The following GAB2 variants were observed in gnomAD, a reference collection of about 807,000 sequenced individuals.
GAB2 encodes the protein GRB2 associated binding protein 2.
In GAB2, 26 loss-of-function variants were observed where a neutral mutation model predicts 65.5. That is an observed-to-expected ratio of 0.40 (90% confidence interval 0.29 to 0.55). GAB2 has a LOEUF of 0.55. Ranked by LOEUF, GAB2 falls within the 20% of genes least tolerant of loss-of-function variation. The pLI is 0.53. For synonymous variants in GAB2, 321 were observed against 329.6 expected (o/e 0.97, Z 0.28); for missense variants, 884 against 875.8 (o/e 1.01, Z -0.12).
At chr11:78,257,110 C>T (rs903713389) in intron 2 of GAB2, among the ~76,000 whole-genome samples, 2 of 152,036 alleles carry the variant, frequency 1.3e-5, no homozygotes, top group Non-Finnish European at 2.9e-5. Context: ...CATACAAACA[C>T]TCCTCCCACC....
chr11:78,231,090 C>G (rs568295571), intron 3 of GAB2, among the ~76,000 whole-genome samples: 3 of 152,200 alleles, frequency 2.0e-5, no homozygotes, highest in Admixed American at 1.3e-4. Context: ...TTCTGAGACA[C>G]ACCTCTTACT....
intron 1 of GAB2, among the ~76,000 whole-genome samples, chr11:78,349,931 GAAAAAAAGAAA>G (rs1565169435): frequency 6.8e-6 from 1 of 147,036 alleles, no homozygotes; most frequent in African/African-American, 2.5e-5. Context: ...GTAAAAAAAA[GAAAAAAAGAAA>G]AAAAAAAGAA....
At chr11:78,346,714 TA>T (rs1565168278) in intron 1 of GAB2, among the ~76,000 whole-genome samples, 3,092 of 88,276 alleles carry the variant, frequency 0.035, 240 homozygotes, top group East Asian at 0.1. Context: ...TATATATATA[TA>T]TATATAATTT....
At chr11:78,302,112 C>G (rs1040536952) in intron 1 of GAB2, among the ~76,000 whole-genome samples, 1 of 152,150 alleles carries the variant, frequency 6.6e-6, no homozygotes, top group African/African-American at 2.4e-5. Context: ...AAGAAAAACC[C>G]TTCTAGACAT....
Position 78,215,583 on chromosome 11 carries a change from C to T in GAB2, c.*3689G>A, listed in dbSNP as rs1022305423. The T allele has an allele frequency of 4.6e-5, 7 of 152,570 alleles. No homozygotes were observed. The East Asian group carries it at 1.3e-3, about 29-fold the overall frequency. The allele number at this position is 152,570 out of a possible 1,614,324, so 9.5% of individuals were successfully genotyped here. Reference sequence around the variant, plus strand: ...GACTGGGCTTCCACTAGCCCATTTTCTCTTCCTGACAAACAGTGACAATTC... The same window carrying T: ...GACTGGGCTTCCACTAGCCCATTTTTTCTTCCTGACAAACAGTGACAATTC... On this transcript the variant is annotated 3_prime_UTR_variant, in exon 10 of 10. Coordinates refer to ENST00000361507, the MANE Select transcript of GAB2 (RefSeq NM_080491.3).
intron 8 of GAB2, 50 bp downstream of exon 8, chr11:78,221,627 G>T: frequency 1.7e-6 from 2 of 1,153,734 alleles, no homozygotes; most frequent in Non-Finnish European, 2.6e-6. Flanking sequence ...TGAGGGGTGG[G>T]TCCCAGGGGA....
chr11:78,390,990 G>C (rs927916723), intron 1 of GAB2, among the ~76,000 whole-genome samples: 1 of 152,182 alleles, frequency 6.6e-6, no homozygotes, highest in Non-Finnish European at 1.5e-5. Context: ...CTATGAAAGC[G>C]GAAGTATTTA....
Position 78,289,787 on chromosome 11 carries a change from T to C in GAB2, c.76-8886A>G, listed in dbSNP as rs547907204. Among the ~76,000 whole-genome samples, 145 of 146,912 alleles carry C rather than the reference T, an allele frequency of 9.9e-4. 1 individual carries two copies. The highest frequency in any genetic ancestry group is 7.2e-3 in the Middle Eastern group (2 of 278). On this transcript the variant is annotated intron_variant, in intron 1 of 9. Transcript: ENST00000361507. ...ACAATGAGGAAGGTAGGGTTTGATATGCGGTTTTGGAAAGGAAGAACAGGA... is the reference window on the plus strand; with the variant it reads ...ACAATGAGGAAGGTAGGGTTTGATACGCGGTTTTGGAAAGGAAGAACAGGA...
chr11:78,328,318 A>G (rs1855859653), intron 1 of GAB2, among the ~76,000 whole-genome samples: 1 of 152,246 alleles, frequency 6.6e-6, no homozygotes, highest in Non-Finnish European at 1.5e-5. Flanking sequence ...AGCAGCCATC[A>G]AAAACACTAA....
chr11:78,357,442 T>C (rs541882543), intron 1 of GAB2, among the ~76,000 whole-genome samples: 6 of 152,080 alleles, frequency 3.9e-5, no homozygotes, highest in Non-Finnish European at 8.8e-5. Flanking sequence ...AGAGCTTCTG[T>C]ACAGCAAAAG....
chr11:78,329,739 A>C (rs1393602592), intron 1 of GAB2, among the ~76,000 whole-genome samples: 1 of 152,192 alleles, frequency 6.6e-6, no homozygotes, highest in African/African-American at 2.4e-5. Context: ...AAACACAGAG[A>C]TCTGTTTGGA....
At chr11:78,377,143 T>C (rs568445843) in intron 1 of GAB2, among the ~76,000 whole-genome samples, 2 of 152,188 alleles carry the variant, frequency 1.3e-5, no homozygotes, top group Non-Finnish European at 2.9e-5. Context: ...TGTAAACCAA[T>C]TAAATCTATT....
chr11:78,221,762 C>A lies in GAB2; in HGVS notation c.1676G>T (p.Ser559Ile). 1 of 1,613,168 alleles carries A rather than the reference C, an allele frequency of 6.2e-7. No individual in the cohort carries two copies. The part of the protein sequence containing the change: ...WSRANHTFNS[S>I]SSQYCRPIST... ...GATGGGGCGGCAGTACTGGGAGGAG[C>A]TGGAGTTGAAGGTGTGGCTGTTGTG... The change falls in exon 8 of 10, where the codon AGC becomes ATC. Residue 559 changes from serine (S) to isoleucine (I), a missense_variant. Coordinates refer to ENST00000361507, the MANE Select transcript of GAB2 (RefSeq NM_080491.3).
chr11:78,268,563 C>A (rs190880428), intron 2 of GAB2, among the ~76,000 whole-genome samples: 16 of 152,014 alleles, frequency 1.1e-4, no homozygotes, highest in Admixed American at 3.3e-4. Context: ...CAGAAGCACT[C>A]AACCAAAAAA....
intron 2 of GAB2, among the ~76,000 whole-genome samples, chr11:78,275,090 A>ACT (rs982106907): frequency 6.6e-6 from 1 of 152,074 alleles, no homozygotes; most frequent in Non-Finnish European, 1.5e-5. Flanking sequence ...AGGGTTAGGT[A>ACT]CTCTTCACCT....
At chr11:78,260,941 A>G (rs550673214) in intron 2 of GAB2, among the ~76,000 whole-genome samples, 100 of 152,122 alleles carry the variant, frequency 6.6e-4, no homozygotes, top group Non-Finnish European at 1.2e-3. Context: ...AAACATTCCA[A>G]TTAGAACAAG....
At chr11:78,250,462 G>A (rs1865423349) in intron 2 of GAB2, 62 bp from the exon 3 acceptor site, 2 of 1,448,330 alleles carry the variant, frequency 1.4e-6, no homozygotes, top group East Asian at 4.5e-5. Context: ...ATCCCAAAGT[G>A]AGTTGTCAGA....
chr11:78,395,718 C>G (rs371719655), intron 1 of GAB2, among the ~76,000 whole-genome samples: 1 of 152,064 alleles, frequency 6.6e-6, no homozygotes, highest in Non-Finnish European at 1.5e-5. Flanking sequence ...CCCCTCTAAG[C>G]GAAAACTATT....
intron 1 of GAB2, among the ~76,000 whole-genome samples, chr11:78,309,926 ATGTGTGTGTGTGTGTG>A (rs60718900): frequency 5.4e-4 from 73 of 135,698 alleles, no homozygotes; most frequent in Admixed American, 1.2e-3. Flanking sequence ...AGGGTTAGAA[ATGTGTGTGTGTGTGTG>A]TGTGTGTGTG....
Sources: allele counts gnomAD v4.1 joint callset (sites outside exome capture counted in the v4.1 genomes callset), GRCh38; gene constraint gnomAD v4.1.1; transcripts MANE v1.5; gene names NCBI Gene and HGNC (gene_info 2026-07-23, HGNC 2026-07-21).